Variants in ELP4 observed in about 807,000 individuals in gnomAD.
The protein encoded by ELP4 is elongator complex protein 4.
ELP4 carries 51 observed loss-of-function variants against 48.9 expected under a neutral mutation model. That is an observed-to-expected ratio of 1.04 (90% CI 0.83 to 1.32). The LOEUF is 1.32. Ranked by LOEUF, ELP4 falls within the 40% of genes most tolerant of loss-of-function variation. The pLI is 0.00. For synonymous variants in ELP4, 210 were observed against 189.2 expected (o/e 1.11, Z -0.90); for missense variants, 519 against 514.6 (o/e 1.01, Z -0.08).
chr11:31,633,102 T>A (rs1256435176), intron 7 of ELP4: 3 of 152,228 alleles, frequency 2.0e-5, no homozygotes, highest in African/African-American at 7.2e-5. Context: ...CTTAACACAG[T>A]ACCTAGGCTT....
At chr11:31,590,883 C>A (rs1011266668) in intron 3 of ELP4, among the ~76,000 whole-genome samples, 4 of 152,160 alleles carry the variant, frequency 2.6e-5, no homozygotes, top group Non-Finnish European at 5.9e-5. Flanking sequence ...TCACCTTCCA[C>A]CAGGTCCCAC....
intron 9 of ELP4, among the ~76,000 whole-genome samples, chr11:31,677,271 T>C (rs1021511752): frequency 3.9e-5 from 6 of 152,200 alleles, no homozygotes; most frequent in Admixed American, 3.3e-4. Flanking sequence ...ATTATGGGAC[T>C]CTCCCTTAGG....
intron 2 of ELP4, among the ~76,000 whole-genome samples, chr11:31,536,200 T>TA (rs149504940): frequency 3.0e-4 from 45 of 148,634 alleles, no homozygotes; most frequent in African/African-American, 8.6e-4. Context: ...TTTTGGCTAT[T>TA]AAAAAAAAAA....
At chr11:31,716,314 A>G (rs112806584) in intron 9 of ELP4, among the ~76,000 whole-genome samples, 98 of 152,270 alleles carry the variant, frequency 6.4e-4, no homozygotes, top group Non-Finnish European at 1.1e-3. Context: ...TGCTCTGCCT[A>G]GTTCTTTATT....
intron 9 of ELP4, among the ~76,000 whole-genome samples, chr11:31,721,514 CTG>C (rs1446137673): frequency 6.6e-6 from 1 of 151,490 alleles, no homozygotes; most frequent in Non-Finnish European, 1.5e-5. Flanking sequence ...CTTTCTAAAA[CTG>C]TGTATTCAAC....
chr11:31,724,061 A>T (rs1947023408), intron 9 of ELP4, among the ~76,000 whole-genome samples: 1 of 152,198 alleles, frequency 6.6e-6, no homozygotes, highest in South Asian at 2.1e-4. Flanking sequence ...TGGCTGCTCT[A>T]ACCCTCACCT....
At chr11:31,594,937 A>G (rs372799802) in intron 4 of ELP4, 36 bp downstream of exon 4, 117 of 1,528,936 alleles carry the variant, frequency 7.7e-5, no homozygotes, top group Non-Finnish European at 9.2e-5. Flanking sequence ...AAAATTTGCA[A>G]ATGCATTTGT....
intron 1 of ELP4, chr11:31,511,458 G>C (rs1441042849): frequency 6.6e-6 from 1 of 152,010 alleles, no homozygotes; most frequent in Non-Finnish European, 1.5e-5. Context: ...GTACCTCCTG[G>C]CACTTAGTAG....
chr11:31,764,822 G>C (rs1037799733), intron 9 of ELP4, among the ~76,000 whole-genome samples: 1 of 152,102 alleles, frequency 6.6e-6, no homozygotes, highest in Non-Finnish European at 1.5e-5. Flanking sequence ...CACAGGTGTC[G>C]GTTTTATTAT....
chr11:31,744,225 G>A (rs1241979738), intron 9 of ELP4, among the ~76,000 whole-genome samples: 1 of 152,098 alleles, frequency 6.6e-6, no homozygotes, highest in African/African-American at 2.4e-5. Flanking sequence ...ACCAATAACA[G>A]GCTCTGAAAT....
chr11:31,587,504 T>C lies in ELP4; in HGVS notation c.382-7266T>C, dbSNP rs79495054. 6.1e-3 allele frequency among the ~76,000 whole-genome samples: 927 copies of C among 152,298 alleles called. 9 individuals are homozygous for C. The highest frequency in any genetic ancestry group is 0.021 in the African/African-American group (882 of 41,558). On this transcript the variant is annotated intron_variant, in intron 3 of 9. Coordinates refer to ENST00000640961, the MANE Select transcript of ELP4 (RefSeq NM_019040.5). The stretch of plus-strand genomic sequence containing the variant: ...AAAGGAGCATACTAATGCCAACTTC[T>C]TACTGTGCTCCAAAATCATGTTATT...
chr11:31,656,322 A>G (rs1239327366), intron 9 of ELP4, among the ~76,000 whole-genome samples: 1 of 151,904 alleles, frequency 6.6e-6, no homozygotes, highest in Non-Finnish European at 1.5e-5. Context: ...TTCTGTGTTC[A>G]TTTCACATGC....
At chr11:31,547,679 A>C (rs1216405754) in intron 3 of ELP4, among the ~76,000 whole-genome samples, 1 of 152,154 alleles carries the variant, frequency 6.6e-6, no homozygotes, top group Non-Finnish European at 1.5e-5. Flanking sequence ...CAGAGACACA[A>C]CCAAAAAAGA....
At chr11:31,670,318 G>A (rs1180766921) in intron 9 of ELP4, among the ~76,000 whole-genome samples, 1 of 152,014 alleles carries the variant, frequency 6.6e-6, no homozygotes, top group Non-Finnish European at 1.5e-5. Context: ...GATAACACTG[G>A]ATAGTAATAT....
chr11:31,623,581 T>C (rs1190971753), intron 5 of ELP4, among the ~76,000 whole-genome samples: 1 of 150,294 alleles, frequency 6.7e-6, no homozygotes, highest in Non-Finnish European at 1.5e-5. Context: ...AGTTTATTTT[T>C]CTAGAAATCT....
At chr11:31,751,444 A>G (rs2134239055) in intron 9 of ELP4, among the ~76,000 whole-genome samples, 1 of 152,308 alleles carries the variant, frequency 6.6e-6, no homozygotes, top group Non-Finnish European at 1.5e-5. Context: ...TTACTGTCAG[A>G]CAAGAGATAC....
chr11:31,744,223 C>T lies in ELP4; in HGVS notation c.1144-39170C>T, dbSNP rs183338161. On this transcript the variant is annotated intron_variant, in intron 9 of 9. Transcript: ENST00000640961. Reference sequence around the variant, plus strand: ...GTTGAATCTCTGAATAGACCAATAACAGGCTCTGAAATTGAGGCAATAATC... The same window carrying T: ...GTTGAATCTCTGAATAGACCAATAATAGGCTCTGAAATTGAGGCAATAATC... Among the ~76,000 whole-genome samples, 36 of 152,270 alleles carry T rather than the reference C, an allele frequency of 2.4e-4. 1 individual carries two copies. The highest frequency in any genetic ancestry group is 2.0e-3 in the Admixed American group (30 of 15,304).
chr11:31,517,309 C>T (rs538719132), intron 1 of ELP4, among the ~76,000 whole-genome samples: 18 of 150,996 alleles, frequency 1.2e-4, no homozygotes, highest in Non-Finnish European at 2.2e-4. Context: ...TCAGCTCCCC[C>T]GAATAGCTGG....
intron 9 of ELP4, among the ~76,000 whole-genome samples, chr11:31,762,978 G>T: frequency 6.6e-6 from 1 of 151,308 alleles, no homozygotes. Context: ...CTATTTATGG[G>T]CTATTATTGA....
Sources: allele counts gnomAD v4.1 joint callset (sites outside exome capture counted in the v4.1 genomes callset), GRCh38; gene constraint gnomAD v4.1.1; transcripts MANE v1.5; gene names NCBI Gene and HGNC (gene_info 2026-07-23, HGNC 2026-07-21).